Variants in RALYL observed in about 807,000 individuals in gnomAD.
RALYL encodes RNA-binding Raly-like protein.
RALYL carries 29 observed loss-of-function variants against 35.1 expected under a neutral mutation model. The ratio of observed to expected loss-of-function variants is 0.83; its 90% CI spans 0.61 to 1.13. The LOEUF (loss-of-function observed/expected upper bound fraction) is 1.13. Among genes scored for constraint, RALYL ranks in the 50% most tolerant of loss-of-function variants. The pLI is 0.00. For synonymous variants in RALYL, 120 were observed against 127.6 expected (o/e 0.94, Z 0.40); for missense variants, 359 against 360.4 (o/e 1.00, Z 0.03).
At chr8:84,315,554 G>C (rs1365185912) in intron 1 of RALYL, among the ~76,000 whole-genome samples, 1 of 151,850 alleles carries the variant, frequency 6.6e-6, no homozygotes, top group East Asian at 1.9e-4. Flanking sequence ...ACTTTGATAC[G>C]CTTCCTGAAT....
At chr8:84,798,671 G>A (rs1193590687) in intron 3 of RALYL, among the ~76,000 whole-genome samples, 1 of 152,200 alleles carries the variant, frequency 6.6e-6, no homozygotes, top group Non-Finnish European at 1.5e-5. Flanking sequence ...TCAGATAATG[G>A]TAAGTAGTAT....
At chr8:84,726,781 C>A (rs1266373072) in intron 2 of RALYL, among the ~76,000 whole-genome samples, 2 of 151,968 alleles carry the variant, frequency 1.3e-5, no homozygotes, top group Non-Finnish European at 2.9e-5. Context: ...GCATTAAATT[C>A]ACCAATTTAC....
In RALYL at chr8:84,313,727, A is replaced by T. The variant is rs117426961; in HGVS notation, c.-24+129303A>T. Among the ~76,000 whole-genome samples the T allele has an allele frequency of 2.1e-3, 326 of 152,292 alleles. 2 individuals are homozygous for T. Among genetic ancestry groups the T allele is most frequent in the Non-Finnish European group, 1.8e-3 (125 of 68,022 alleles). ...CCTCATCTCCATCTGAGACCACCTC[A>T]GTCTGGACTTCATTGTCCGTATTAC... is the stretch of plus-strand genomic sequence containing the variant. On this transcript the variant is annotated intron_variant, in intron 1 of 8. Transcript: ENST00000521268.
At chr8:84,359,880 GTTT>G in intron 1 of RALYL, among the ~76,000 whole-genome samples, 1 of 143,510 alleles carries the variant, frequency 7.0e-6, no homozygotes, top group African/African-American at 2.6e-5. Context: ...AAAATATCAT[GTTT>G]TTTTTTTTTT....
chr8:84,383,328 C>T (rs951646992), intron 1 of RALYL, among the ~76,000 whole-genome samples: 3 of 151,522 alleles, frequency 2.0e-5, no homozygotes, highest in Admixed American at 6.6e-5. Context: ...GAATCAGACT[C>T]CTGGAAGTGA....
At chr8:84,511,498 A>G (rs770432528) in intron 1 of RALYL, among the ~76,000 whole-genome samples, 9 of 152,190 alleles carry the variant, frequency 5.9e-5, no homozygotes, top group Non-Finnish European at 8.8e-5. Context: ...TTAATCATCA[A>G]TTCAGGGTAT....
At chr8:84,807,773 T>C (rs753966564) in intron 4 of RALYL, among the ~76,000 whole-genome samples, 3 of 152,226 alleles carry the variant, frequency 2.0e-5, no homozygotes, top group Non-Finnish European at 4.4e-5. Context: ...TTAGTGATGT[T>C]AAGCATTTTT....
chr8:84,560,457 C>T (rs1050322666), intron 2 of RALYL, among the ~76,000 whole-genome samples: 3 of 151,942 alleles, frequency 2.0e-5, no homozygotes, highest in Non-Finnish European at 4.4e-5. Context: ...AATACAATAA[C>T]AATAGAGACA....
At chr8:84,511,787 C>T (rs1019481251) in intron 1 of RALYL, among the ~76,000 whole-genome samples, 3 of 152,142 alleles carry the variant, frequency 2.0e-5, no homozygotes, top group East Asian at 1.9e-4. Context: ...TGAGTGAGAA[C>T]ATCCAATATT....
intron 1 of RALYL, among the ~76,000 whole-genome samples, chr8:84,274,031 T>C (rs1762880332): frequency 6.6e-6 from 1 of 152,212 alleles, no homozygotes; most frequent in South Asian, 2.1e-4. Context: ...CACTTTTAAA[T>C]TAAATTGGCA....
chr8:84,902,557 AG>A (rs1318411424), intron 8 of RALYL, among the ~76,000 whole-genome samples: 1 of 152,184 alleles, frequency 6.6e-6, no homozygotes, highest in African/African-American at 2.4e-5. Flanking sequence ...TTGATGTCAA[AG>A]GTAGGAGGAA....
At chr8:84,193,225 G>T (rs989789803) in intron 1 of RALYL, among the ~76,000 whole-genome samples, 3 of 152,052 alleles carry the variant, frequency 2.0e-5, no homozygotes, top group African/African-American at 7.2e-5. Flanking sequence ...TATTATTGAA[G>T]GAAGGATATT....
intron 2 of RALYL, among the ~76,000 whole-genome samples, chr8:84,561,289 T>G (rs1018045857): frequency 6.6e-6 from 1 of 152,004 alleles, no homozygotes; most frequent in Admixed American, 6.6e-5. Flanking sequence ...GTATAATATA[T>G]AGGAACAGAG....
At chr8:84,347,638 C>T (rs1221480085) in intron 1 of RALYL, among the ~76,000 whole-genome samples, 6 of 152,034 alleles carry the variant, frequency 3.9e-5, no homozygotes, top group Non-Finnish European at 5.9e-5. Flanking sequence ...TGGTTCTAAT[C>T]CAGGGAAGGA....
intron 1 of RALYL, among the ~76,000 whole-genome samples, chr8:84,420,219 C>T (rs2045340096): frequency 6.6e-6 from 1 of 152,026 alleles, no homozygotes; most frequent in East Asian, 1.9e-4. Context: ...TGTTTCCTGA[C>T]TTTTTAATGA....
intron 3 of RALYL, among the ~76,000 whole-genome samples, chr8:84,783,987 T>G (rs1818791789): frequency 6.6e-6 from 1 of 152,216 alleles, no homozygotes; most frequent in South Asian, 2.1e-4. Flanking sequence ...TGTGTTTTTC[T>G]TCTAATTTTA....
At chr8:84,427,601 G>A (rs895867557) in intron 1 of RALYL, among the ~76,000 whole-genome samples, 3 of 151,876 alleles carry the variant, frequency 2.0e-5, no homozygotes, top group African/African-American at 7.3e-5. Flanking sequence ...TGGCCCTTAG[G>A]CATCCTGTGC....
intron 2 of RALYL, among the ~76,000 whole-genome samples, chr8:84,704,018 TTTAA>T (rs1274720290): frequency 6.6e-6 from 1 of 152,218 alleles, no homozygotes; most frequent in Non-Finnish European, 1.5e-5. Flanking sequence ...TGACAAGTAT[TTTAA>T]TTATATAAAA....
At chr8:84,439,660 A>C (rs904648799) in intron 1 of RALYL, among the ~76,000 whole-genome samples, 1 of 151,992 alleles carries the variant, frequency 6.6e-6, no homozygotes, top group Admixed American at 6.6e-5. Flanking sequence ...TTTTTCATAT[A>C]TATGATTTTC....
Sources: gnomAD v4.1 joint callset for allele counts (sites outside exome capture counted in the v4.1 genomes callset) on GRCh38, gnomAD v4.1.1 for gene constraint, MANE v1.5 for transcripts, NCBI Gene and HGNC (gene_info 2026-07-23, HGNC 2026-07-21) for gene names.